Variants in RBFOX1 observed in about 807,000 individuals in gnomAD.
RBFOX1 encodes the protein RNA binding fox-1 homolog 1, also known as RNA binding protein fox-1 homolog 1.
A neutral mutation model predicts 57.7 loss-of-function variants in RBFOX1; 8 were observed. That is an observed-to-expected ratio of 0.14 (90% CI 0.08 to 0.25). The LOEUF (loss-of-function observed/expected upper bound fraction) is 0.25. Ranked by LOEUF, RBFOX1 falls within the 10% of genes least tolerant of loss-of-function variation. The probability of loss-of-function intolerance (pLI) is 1.00; values close to 1 mark genes in which losing one functional copy is unlikely to be tolerated. For synonymous variants in RBFOX1, 326 were observed against 222.4 expected (o/e 1.47, Z -4.15); for missense variants, 611 against 548.5 (o/e 1.11, Z -1.14).
At chr16:7,308,380 C>G (rs1349176888) in intron 4 of RBFOX1, among the ~76,000 whole-genome samples, 2 of 151,500 alleles carry the variant, frequency 1.3e-5, no homozygotes, top group Non-Finnish European at 2.9e-5. Context: ...CTTACACCAC[C>G]AGCGTCTCTC....
intron 3 of RBFOX1, among the ~76,000 whole-genome samples, chr16:6,718,584 CTCA>C (rs1324878904): frequency 2.0e-5 from 3 of 152,132 alleles, no homozygotes; most frequent in Non-Finnish European, 4.4e-5. Flanking sequence ...CCGCCCAAAT[CTCA>C]TGTTAAGTTG....
intron 14 of RBFOX1, among the ~76,000 whole-genome samples, chr16:7,688,370 A>G (rs1244958771): frequency 6.6e-6 from 1 of 152,000 alleles, no homozygotes; most frequent in Non-Finnish European, 1.5e-5. Flanking sequence ...GCAATGTAAC[A>G]GAATTAAGAA....
intron 3 of RBFOX1, among the ~76,000 whole-genome samples, chr16:5,856,151 TTCTCTCTCTCTCTCTCTCTCTC>T (rs35841072): frequency 2.5e-5 from 1 of 40,426 alleles, no homozygotes; most frequent in Admixed American, 3.2e-4. Flanking sequence ...GTCTTTATGG[TTCTCTCTCTCTCTCTCTCTCTC>T]TCTCTCTCTC....
At chr16:7,572,933 G>C (rs951721801) in intron 5 of RBFOX1, among the ~76,000 whole-genome samples, 1 of 152,128 alleles carries the variant, frequency 6.6e-6, no homozygotes, top group South Asian at 2.1e-4. Context: ...GAGGGTTTCA[G>C]TGAACAGAAA....
At chr16:5,938,045 CAT>C (rs928960103) in intron 4 of RBFOX1, among the ~76,000 whole-genome samples, 1 of 152,158 alleles carries the variant, frequency 6.6e-6, no homozygotes, top group Non-Finnish European at 1.5e-5. Flanking sequence ...GATAATTTCA[CAT>C]GAGTATTTAT....
chr16:6,482,756 G>A (rs1231794216), intron 2 of RBFOX1, among the ~76,000 whole-genome samples: 1 of 152,148 alleles, frequency 6.6e-6, no homozygotes, highest in Non-Finnish European at 1.5e-5. Flanking sequence ...AGGCGAGATT[G>A]GGGGCGCGGT....
chr16:6,240,221 A>T (rs993042929), intron 1 of RBFOX1, among the ~76,000 whole-genome samples: 1 of 152,206 alleles, frequency 6.6e-6, no homozygotes, highest in Non-Finnish European at 1.5e-5. Context: ...CAGAACCTTG[A>T]GTTAACTAAA....
intron 4 of RBFOX1, among the ~76,000 whole-genome samples, chr16:7,290,967 C>A (rs1007016263): frequency 3.3e-5 from 5 of 152,184 alleles, no homozygotes; most frequent in Non-Finnish European, 4.4e-5. Flanking sequence ...GCAAAACATA[C>A]AAGAATGCAC....
intron 4 of RBFOX1, among the ~76,000 whole-genome samples, chr16:7,237,155 A>T (rs1401671052): frequency 6.6e-6 from 1 of 152,204 alleles, no homozygotes; most frequent in African/African-American, 2.4e-5. Context: ...TGTCATTGGG[A>T]TAGGCCAGCG....
chr16:6,411,759 A>G (rs2093464742), intron 2 of RBFOX1, among the ~76,000 whole-genome samples: 1 of 152,250 alleles, frequency 6.6e-6, no homozygotes, highest in African/African-American at 2.4e-5. Context: ...AAAATGAACA[A>G]TTGGTTGTAA....
At chr16:5,956,722 G>GCACTGGCACAATCATGGCT (rs1214031394) in intron 4 of RBFOX1, among the ~76,000 whole-genome samples, 51 of 140,504 alleles carry the variant, frequency 3.6e-4, no homozygotes, top group African/African-American at 1.3e-3. Context: ...AGGCTGGAGT[G>GCACTGGCACAATCATGGCT]CACTGGCACA....
rs28716316 is a variant in RBFOX1, at chr16:7,647,149, A to C, written c.758-6666A>C. ...CATGGGACAGAACTTCTTATTCCCAAGAACTGAGATGGTTACTCTACTAAC... is the reference window on the plus strand; with the variant it reads ...CATGGGACAGAACTTCTTATTCCCACGAACTGAGATGGTTACTCTACTAAC... On this transcript the variant is annotated intron_variant, in intron 11 of 15. Transcript: ENST00000550418. Among the ~76,000 whole-genome samples, 421 of 152,316 alleles carry C rather than the reference A, an allele frequency of 2.8e-3. 2 individuals carry two copies. Among genetic ancestry groups the C allele is most frequent in the African/African-American group, 9.8e-3 (408 of 41,578 alleles).
chr16:7,117,422 A>G (rs2066155471), intron 4 of RBFOX1, among the ~76,000 whole-genome samples: 1 of 152,220 alleles, frequency 6.6e-6, no homozygotes, highest in Non-Finnish European at 1.5e-5. Context: ...TTAAGAGTAC[A>G]GCTTCTGGAA....
chr16:6,296,079 A>G (rs1188629563), intron 1 of RBFOX1, among the ~76,000 whole-genome samples: 1 of 152,226 alleles, frequency 6.6e-6, no homozygotes, highest in East Asian at 1.9e-4. Context: ...TCAGCCGTAC[A>G]AGCAGTTGTT....
intron 2 of RBFOX1, among the ~76,000 whole-genome samples, chr16:6,381,451 T>C (rs1464266182): frequency 6.6e-6 from 1 of 152,202 alleles, no homozygotes. Context: ...ACGGGCTTGA[T>C]GACCTTGCAG....
intron 3 of RBFOX1, among the ~76,000 whole-genome samples, chr16:7,037,096 C>T (rs896903247): frequency 6.6e-6 from 1 of 152,132 alleles, no homozygotes; most frequent in African/African-American, 2.4e-5. Context: ...TTTTGGCTGG[C>T]TTCTTTACTG....
chr16:5,539,614 A>G (rs1452004095), intron 2 of RBFOX1, among the ~76,000 whole-genome samples: 1 of 151,826 alleles, frequency 6.6e-6, no homozygotes, highest in East Asian at 2.0e-4. Context: ...AAAAATCCCA[A>G]AAAACAAAAC....
intron 1 of RBFOX1, among the ~76,000 whole-genome samples, chr16:5,396,372 G>A (rs1339073795): frequency 2.0e-5 from 3 of 152,110 alleles, no homozygotes; most frequent in Non-Finnish European, 1.5e-5. Flanking sequence ...GAGGCATGGG[G>A]GCTCACACCT....
At chr16:6,259,067 C>T (rs1446277435) in intron 1 of RBFOX1, among the ~76,000 whole-genome samples, 13 of 152,072 alleles carry the variant, frequency 8.5e-5, no homozygotes, top group South Asian at 2.1e-4. Context: ...ACAGGGTATT[C>T]GGTATTTAAT....
Sources: allele counts gnomAD v4.1 joint callset (sites outside exome capture counted in the v4.1 genomes callset), GRCh38; gene constraint gnomAD v4.1.1; transcripts MANE v1.5; gene names NCBI Gene and HGNC (gene_info 2026-07-23, HGNC 2026-07-21).